HMCN1: variants seen among roughly 807,000 people sequenced by gnomAD.
HMCN1 encodes the protein hemicentin-1.
HMCN1 carries 321 observed loss-of-function variants against 625.9 expected under a neutral mutation model. That is an observed-to-expected ratio of 0.51 (90% CI 0.47 to 0.56). The LOEUF is 0.56. Among genes scored for constraint, HMCN1 ranks in the 20% least tolerant of loss-of-function variants. The pLI is 0.00. For synonymous variants in HMCN1, 2,425 were observed against 2,417.6 expected, an observed-to-expected ratio of 1.00 and a Z score of -0.09; for missense variants, 6,588 against 6,887.3, an observed-to-expected ratio of 0.96 and a Z score of 1.54.
In HMCN1 at chr1:185,933,559, G is replaced by C. The variant is rs766271778; in HGVS notation, c.1563G>C (p.Pro521=). 7.4e-6 allele frequency: 12 copies of C among 1,613,796 alleles called. No homozygotes were observed. Among genetic ancestry groups the C allele is most frequent in the Admixed American group, 1.7e-5 (1 of 59,952 alleles). The part of the protein sequence containing the change: ...QTFFDVSEPP[P]VIQVPNNVTV... ...TTTGATTTCACACAGAGCCCCCTCCGGTCATCCAAGTGCCTAACAATGTTA... is the reference window on the plus strand; with the variant it reads ...TTTGATTTCACACAGAGCCCCCTCCCGTCATCCAAGTGCCTAACAATGTTA... Residue 521 remains proline (P), a synonymous_variant, in exon 11 of 107, where the codon CCG becomes CCC. Transcript: ENST00000271588.
chr1:186,005,472 TAATTGTTTA>T (rs1373507191), intron 29 of HMCN1, among the ~76,000 whole-genome samples: 1 of 150,956 alleles, frequency 6.6e-6, no homozygotes, highest in African/African-American at 2.4e-5. Flanking sequence ...AACAAGTTTT[TAATTGTTTA>T]AATTGTTTAT....
At chr1:186,077,467 G>A (rs183666852) in intron 54 of HMCN1, among the ~76,000 whole-genome samples, 23 of 152,216 alleles carry the variant, frequency 1.5e-4, no homozygotes, top group African/African-American at 4.8e-4. Context: ...GGATTTATGA[G>A]TATTTTAGGG....
intron 6 of HMCN1, among the ~76,000 whole-genome samples, chr1:185,921,767 T>C (rs965801140): frequency 1.3e-5 from 2 of 152,214 alleles, no homozygotes; most frequent in Non-Finnish European, 2.9e-5. Flanking sequence ...AGGTGGTTTT[T>C]GAAATGCAAA....
chr1:185,794,601 A>ATTTTTTTTTTTTTTTTTTTTTTT (rs34098989), intron 1 of HMCN1, among the ~76,000 whole-genome samples: 1 of 111,192 alleles, frequency 9.0e-6, no homozygotes, highest in Admixed American at 9.5e-5. Flanking sequence ...GTCTTTACAC[A>ATTTTTTTTTTTTTTTTTTTTTTT]TTTTTTTTTT....
chr1:185,894,006 G>C (rs535224801), intron 4 of HMCN1, among the ~76,000 whole-genome samples: 22 of 151,926 alleles, frequency 1.4e-4, no homozygotes, highest in African/African-American at 5.3e-4. Context: ...GTAGTGGCGG[G>C]CCCCTGTAGT....
chr1:185,843,444 G>A (rs1238674333), intron 1 of HMCN1, among the ~76,000 whole-genome samples: 4 of 152,146 alleles, frequency 2.6e-5, no homozygotes, highest in Non-Finnish European at 5.9e-5. Flanking sequence ...TATAAGCACT[G>A]GAGACCATGT....
At chr1:185,824,630 TG>T (rs1441476533) in intron 1 of HMCN1, among the ~76,000 whole-genome samples, 4 of 152,234 alleles carry the variant, frequency 2.6e-5, no homozygotes, top group South Asian at 4.1e-4. Flanking sequence ...GGAGTTTTCA[TG>T]GGGAAGGGGC....
At chr1:185,989,354 T>C in intron 20 of HMCN1, 134 bp from the exon 21 acceptor site, 1 of 1,034,254 alleles carries the variant, frequency 9.7e-7, no homozygotes, top group East Asian at 2.5e-5. Flanking sequence ...CAAGTTAGCA[T>C]TTTAAAATTT....
chr1:185,855,773 A>T (rs1662429124), intron 2 of HMCN1, among the ~76,000 whole-genome samples: 1 of 152,184 alleles, frequency 6.6e-6, no homozygotes, highest in Admixed American at 6.5e-5. Flanking sequence ...AAGCATGGAC[A>T]TTGTTGTAAT....
At chr1:186,094,755 C>G (rs540736455) in intron 67 of HMCN1, among the ~76,000 whole-genome samples, 78 of 152,176 alleles carry the variant, frequency 5.1e-4, no homozygotes, top group Admixed American at 9.2e-4. Flanking sequence ...TGTGTGTATG[C>G]GTATATATGG....
intron 1 of HMCN1, among the ~76,000 whole-genome samples, chr1:185,757,945 G>A (rs1655239948): frequency 6.6e-6 from 1 of 152,162 alleles, no homozygotes; most frequent in Non-Finnish European, 1.5e-5. Flanking sequence ...ACTGTAGGAT[G>A]CTGGAGGGCA....
Position 186,132,373 on chromosome 1 carries a change from G to C in HMCN1, c.13276G>C (p.Gly4426Arg). Residue 4426 changes from glycine to arginine, a missense_variant, in exon 86 of 107, where the codon GGG (glycine) becomes CGG (arginine). Transcript: ENST00000271588. ...TACATGTGTAGCTACCAATGAAGCT[G>C]GGGTGGTGGAGCGCAGCATGAGTCT... ...DYTCVATNEAGVVERSMSLTL... is the reference protein window; with the variant it reads ...DYTCVATNEARVVERSMSLTL... 1 of 1,612,710 alleles carries C rather than the reference G, an allele frequency of 6.2e-7. No homozygotes were observed. Among genetic ancestry groups the C allele is most frequent in the Non-Finnish European group, 8.5e-7 (1 of 1,179,306 alleles).
intron 36 of HMCN1, among the ~76,000 whole-genome samples, chr1:186,037,546 T>C (rs1655917525): frequency 6.6e-6 from 1 of 152,190 alleles, no homozygotes; most frequent in African/African-American, 2.4e-5. Flanking sequence ...AAGTAAGATA[T>C]TTTGAGATGT....
intron 31 of HMCN1, 125 bp from the exon 32 acceptor site, chr1:186,015,833 G>A (rs1654329972): frequency 3.6e-6 from 3 of 824,432 alleles, no homozygotes; most frequent in Non-Finnish European, 6.0e-6. Flanking sequence ...GAGGGAGACA[G>A]GCATATAGGT....
intron 1 of HMCN1, among the ~76,000 whole-genome samples, chr1:185,794,601 AT>A (rs34098989): frequency 0.17 from 19,041 of 111,104 alleles, 726 homozygotes; most frequent in Non-Finnish European, 0.21. Flanking sequence ...GTCTTTACAC[AT>A]TTTTTTTTTT....
chr1:185,818,497 T>C (rs908780478), intron 1 of HMCN1, among the ~76,000 whole-genome samples: 1 of 152,182 alleles, frequency 6.6e-6, no homozygotes, highest in Non-Finnish European at 1.5e-5. Context: ...TGGTCACTTT[T>C]CTCTTTTAAA....
At chr1:186,141,947 G>T (rs907586706) in intron 89 of HMCN1, among the ~76,000 whole-genome samples, 1 of 152,116 alleles carries the variant, frequency 6.6e-6, no homozygotes, top group Non-Finnish European at 1.5e-5. Flanking sequence ...AACAAATTGA[G>T]TTATAATATT....
chr1:185,924,656 A>G (rs1410118339), intron 8 of HMCN1, among the ~76,000 whole-genome samples: 2 of 152,182 alleles, frequency 1.3e-5, no homozygotes, highest in East Asian at 3.9e-4. Flanking sequence ...CATTTTTTAC[A>G]TTTATTTTGG....
intron 36 of HMCN1, among the ~76,000 whole-genome samples, chr1:186,027,599 G>A (rs887328881): frequency 2.0e-5 from 3 of 152,210 alleles, no homozygotes; most frequent in Admixed American, 6.5e-5. Flanking sequence ...GAGGCTGTGT[G>A]AGGATTAAAT....
Sources: gnomAD v4.1 joint callset for allele counts (sites outside exome capture counted in the v4.1 genomes callset) on GRCh38, gnomAD v4.1.1 for gene constraint, MANE v1.5 for transcripts, NCBI Gene and HGNC (gene_info 2026-07-23, HGNC 2026-07-21) for gene names.